The following SYNE1 variants were observed in gnomAD, a reference collection of about 807,000 sequenced individuals.
SYNE1 encodes the protein nesprin-1.
In SYNE1, 616 loss-of-function variants were observed where a neutral mutation model predicts 1,111.0. The ratio of observed to expected loss-of-function variants is 0.55; its 90% CI spans 0.52 to 0.59. The LOEUF (loss-of-function observed/expected upper bound fraction) is 0.59, where lower values mean the gene tolerates loss of function less well. Ranked by LOEUF, SYNE1 falls within the 20% of genes least tolerant of loss-of-function variation. The pLI is 0.00. For synonymous variants in SYNE1, 3,855 were observed against 3,825.8 expected (o/e 1.01, Z -0.28); for missense variants, 10,006 against 10,417.0 (o/e 0.96, Z 1.72).
intron 100 of SYNE1, among the ~76,000 whole-genome samples, chr6:152,266,435 G>A (rs148934293): frequency 3.9e-4 from 59 of 152,272 alleles, no homozygotes; most frequent in Admixed American, 2.5e-3. Context: ...GGAATGTAAC[G>A]TGAAGGCAAG....
At chr6:152,296,552 G>A (rs900551221) in intron 93 of SYNE1, among the ~76,000 whole-genome samples, 19 of 152,186 alleles carry the variant, frequency 1.2e-4, no homozygotes, top group African/African-American at 3.4e-4. Context: ...GAGTGCTAAC[G>A]ATGCATATCC....
chr6:152,511,522 C>T (rs772092105), intron 6 of SYNE1: 2 of 1,568,710 alleles, frequency 1.3e-6, no homozygotes, highest in East Asian at 2.2e-5. Context: ...CTTATGTTCC[C>T]TTTTACCTAT....
At chr6:152,514,378 A>G (rs1163501666) in intron 6 of SYNE1, among the ~76,000 whole-genome samples, 1 of 152,174 alleles carries the variant, frequency 6.6e-6, no homozygotes, top group Admixed American at 6.5e-5. Context: ...TAACACAAGA[A>G]CAGAAAACCA....
intron 130 of SYNE1, chr6:152,168,402 T>A (rs946884918): frequency 7.5e-5 from 42 of 557,940 alleles, no homozygotes; most frequent in Non-Finnish European, 5.7e-5. Flanking sequence ...TTCATTAACA[T>A]GTGCCAGGCT....
At chr6:152,132,037 T>G in intron 144 of SYNE1, 85 bp downstream of exon 144, 1 of 1,302,156 alleles carries the variant, frequency 7.7e-7, no homozygotes, top group East Asian at 2.3e-5. Context: ...GACGCCTGCC[T>G]GTGAACCCTG....
intron 100 of SYNE1, among the ~76,000 whole-genome samples, chr6:152,265,704 T>C (rs1436430739): frequency 6.6e-6 from 1 of 152,176 alleles, no homozygotes; most frequent in South Asian, 2.1e-4. Context: ...CCATGAAAAT[T>C]ATTCTTCTTT....
rs189460459 is a variant in SYNE1 at position 152,417,366 on chromosome 6, T to C, written c.5422-351A>G. ...ACAAAAAATTATCCAGGCGTGGTGG[T>C]GGGCGCCTGTAGTCCCAGCTACTCG... On this transcript the variant is annotated intron_variant, in intron 40 of 145. Transcript: ENST00000367255. 3.9e-3 allele frequency among the ~76,000 whole-genome samples: 592 copies of C among 152,150 alleles called. 15 individuals are homozygous for C. In the East Asian group the frequency reaches 0.069, roughly 18 times the overall value.
intron 3 of SYNE1, among the ~76,000 whole-genome samples, chr6:152,555,733 G>A (rs957284669): frequency 2.6e-5 from 4 of 152,082 alleles, no homozygotes; most frequent in Admixed American, 6.6e-5. Flanking sequence ...AATATAACAT[G>A]TTGGTATTTT....
chr6:152,423,196 C>T (rs889055909), intron 39 of SYNE1, among the ~76,000 whole-genome samples: 2 of 152,216 alleles, frequency 1.3e-5, no homozygotes, highest in African/African-American at 4.8e-5. Flanking sequence ...CTTTCTCCCT[C>T]CAATAACCTG....
At chr6:152,235,561 A>C (rs2083819488) in intron 110 of SYNE1, among the ~76,000 whole-genome samples, 1 of 152,096 alleles carries the variant, frequency 6.6e-6, no homozygotes, top group African/African-American at 2.4e-5. Flanking sequence ...GGGTTTCTCC[A>C]TGTTGGTCAG....
At chr6:152,241,059 A>T (rs2085512707) in intron 107 of SYNE1, among the ~76,000 whole-genome samples, 1 of 152,180 alleles carries the variant, frequency 6.6e-6, no homozygotes, top group Non-Finnish European at 1.5e-5. Flanking sequence ...TCATGGCCAG[A>T]AGGGCTGTCT....
At chr6:152,499,731 G>A (rs945921724) in intron 10 of SYNE1, among the ~76,000 whole-genome samples, 15 of 152,062 alleles carry the variant, frequency 9.9e-5, no homozygotes, top group Non-Finnish European at 1.5e-5. Flanking sequence ...TGTACTACAT[G>A]ACAAATGCCA....
intron 93 of SYNE1, among the ~76,000 whole-genome samples, chr6:152,295,038 G>A (rs584336): frequency 0.19 from 29,572 of 152,120 alleles, 3,162 homozygotes; most frequent in Non-Finnish European, 0.24. Flanking sequence ...AAGTATTGAA[G>A]AAGGCTCCAG....
rs538591319 is a variant in SYNE1, at chr6:152,546,028, G to A, written c.68-6007C>T. 3.3e-5 allele frequency: 5 copies of A among 152,100 alleles called. No homozygotes were observed. The East Asian group carries it at 9.6e-4, about 29-fold the overall frequency. 9.4% of individuals were successfully genotyped at this position (152,100 alleles called of 1,614,324 possible). On this transcript the variant is annotated intron_variant, in intron 3 of 145. Transcript: ENST00000367255. ...ACAACCAAATGACGTGAATACAAAG[G>A]GGAAAACAACAGCAAAGGCATACAG...
At chr6:152,371,943 G>A (rs1429943818) in intron 59 of SYNE1, among the ~76,000 whole-genome samples, 1 of 147,878 alleles carries the variant, frequency 6.8e-6, no homozygotes, top group Non-Finnish European at 1.5e-5. Context: ...GACAGGAAAG[G>A]AAAGGAAAGG....
At chr6:152,309,605 AT>A (rs1362488946) in intron 90 of SYNE1, among the ~76,000 whole-genome samples, 2 of 152,256 alleles carry the variant, frequency 1.3e-5, no homozygotes, top group African/African-American at 2.4e-5. Flanking sequence ...TTATTTAAAA[AT>A]ATCACTAAAA....
At position 152,498,678 on chromosome 6, in the gene SYNE1, TA is replaced by T. The variant is rs1312238908; in HGVS notation, c.939+63del. 36 of 1,176,550 alleles carry T rather than the reference TA, an allele frequency of 3.1e-5. No homozygotes were observed. In the African/African-American group the frequency reaches 4.2e-4, roughly 14 times the overall value. 72.9% of individuals were successfully genotyped at this position (1,176,550 alleles called of 1,614,324 possible). ...AGACAAAAACATGCAAGGGAATGACTAAAATGCTACAGAATGCAGGATGTTT... is the reference window on the plus strand; with the variant it reads ...AGACAAAAACATGCAAGGGAATGACTAAATGCTACAGAATGCAGGATGTTT... On this transcript the variant is annotated intron_variant, in intron 11 of 145. Coordinates refer to ENST00000367255, the MANE Select transcript of SYNE1 (RefSeq NM_182961.4).
chr6:152,459,636 G>A (rs2098719689), intron 21 of SYNE1, among the ~76,000 whole-genome samples: 3 of 152,126 alleles, frequency 2.0e-5, no homozygotes. Flanking sequence ...TCTTAAAGAT[G>A]AGGCCACTAG....
At chr6:152,383,750 T>G (rs1172035819) in intron 55 of SYNE1, among the ~76,000 whole-genome samples, 1 of 152,228 alleles carries the variant, frequency 6.6e-6, no homozygotes, top group African/African-American at 2.4e-5. Context: ...ACTAATCACT[T>G]TCAACTCCAT....
Sources: gnomAD v4.1 joint callset for allele counts (sites outside exome capture counted in the v4.1 genomes callset) on GRCh38, gnomAD v4.1.1 for gene constraint, MANE v1.5 for transcripts, NCBI Gene and HGNC (gene_info 2026-07-23, HGNC 2026-07-21) for gene names.